The following SDCCAG8 variants were observed in gnomAD, a reference collection of about 807,000 sequenced individuals.
The protein encoded by SDCCAG8 is SHH signaling and ciliogenesis regulator SDCCAG8, also known as serologically defined colon cancer antigen 8.
A neutral mutation model predicts 101.8 loss-of-function variants in SDCCAG8; 74 were observed. The ratio of observed to expected loss-of-function variants is 0.73; its 90% CI spans 0.60 to 0.88. The LOEUF (loss-of-function observed/expected upper bound fraction) is 0.88, where lower values mean the gene tolerates loss of function less well. Ranked by LOEUF, SDCCAG8 falls within the 40% of genes least tolerant of loss-of-function variation. SDCCAG8 has a pLI of 0.00. For synonymous variants in SDCCAG8, 281 were observed against 292.9 expected (o/e 0.96, Z 0.41); for missense variants, 787 against 822.6 (o/e 0.96, Z 0.53).
chr1:243,293,176 C>G lies in SDCCAG8; in HGVS notation c.632C>G (p.Ala211Gly), dbSNP rs1286985966. Residue 211 changes from alanine to glycine, a missense_variant, in exon 6 of 18, where the codon GCA becomes GGA. Coordinates refer to ENST00000366541, the MANE Select transcript of SDCCAG8 (RefSeq NM_006642.5). ...TSKRPFSHDN[A>G]DFGKAASAGE... is the part of the protein sequence containing the mutation. ...AAAAGACCATTTTCCCATGACAATG[C>G]AGATTTTGGCAAAGCTGCATCTGCT... The G allele has an allele frequency of 3.1e-6, 5 of 1,614,140 alleles. No individual in the cohort carries two copies. The highest frequency in any genetic ancestry group is 4.2e-6 in the Non-Finnish European group (5 of 1,179,980).
chr1:243,289,063 AG>A (rs1487756048), intron 5 of SDCCAG8, among the ~76,000 whole-genome samples: 3 of 152,016 alleles, frequency 2.0e-5, no homozygotes, highest in Non-Finnish European at 4.4e-5. Flanking sequence ...GTTCTCTCAA[AG>A]GACAGAACTA....
At chr1:243,450,939 G>A (rs763233946) in intron 16 of SDCCAG8, among the ~76,000 whole-genome samples, 4 of 152,336 alleles carry the variant, frequency 2.6e-5, no homozygotes, top group East Asian at 3.9e-4. Flanking sequence ...GATTACAGGC[G>A]TTAGGATTAA....
intron 15 of SDCCAG8, among the ~76,000 whole-genome samples, chr1:243,423,956 T>C (rs1421511299): frequency 6.6e-6 from 1 of 152,130 alleles, no homozygotes; most frequent in Non-Finnish European, 1.5e-5. Context: ...TCACTGTTTG[T>C]TATACGGTGG....
chr1:243,449,677 A>G (rs1298383602), intron 16 of SDCCAG8, among the ~76,000 whole-genome samples: 2 of 152,164 alleles, frequency 1.3e-5, no homozygotes, highest in African/African-American at 4.8e-5. Context: ...CCCTTAACAC[A>G]TAGTGTTAGT....
At chr1:243,396,547 A>G (rs995660500) in intron 13 of SDCCAG8, among the ~76,000 whole-genome samples, 3 of 152,214 alleles carry the variant, frequency 2.0e-5, no homozygotes, top group Non-Finnish European at 4.4e-5. Flanking sequence ...CTTAATTGGA[A>G]TACTCTCTCC....
At chr1:243,452,103 C>T (rs1377581872) in intron 16 of SDCCAG8, among the ~76,000 whole-genome samples, 1 of 152,170 alleles carries the variant, frequency 6.6e-6, no homozygotes, top group Non-Finnish European at 1.5e-5. Context: ...TGTGCATGCT[C>T]AGGCGTTTCC....
intron 7 of SDCCAG8, 101 bp from the exon 8 acceptor site, chr1:243,307,888 G>A (rs2072314706): frequency 6.9e-6 from 11 of 1,583,954 alleles, no homozygotes; most frequent in Non-Finnish European, 9.4e-6. Flanking sequence ...CATAAGGTGA[G>A]TACCCATAAA....
chr1:243,412,407 A>G (rs1457760585), intron 13 of SDCCAG8, among the ~76,000 whole-genome samples: 5 of 152,176 alleles, frequency 3.3e-5, no homozygotes, highest in African/African-American at 1.2e-4. Context: ...CCGTGCATAA[A>G]TCTCATAATG....
chr1:243,452,963 G>A (rs11801121), intron 16 of SDCCAG8, among the ~76,000 whole-genome samples: 5,364 of 152,276 alleles, frequency 0.035, 192 homozygotes, highest in African/African-American at 0.09. Context: ...TGAGTGCCAC[G>A]AGGCAAGGAC....
chr1:243,425,794 G>A (rs776617211), intron 15 of SDCCAG8, among the ~76,000 whole-genome samples: 2 of 152,096 alleles, frequency 1.3e-5, no homozygotes, highest in Non-Finnish European at 2.9e-5. Flanking sequence ...GCTCAGGGGA[G>A]GTCAATCTTT....
chr1:243,264,474 TGTG>T (rs1028176606), intron 1 of SDCCAG8, among the ~76,000 whole-genome samples: 27 of 151,826 alleles, frequency 1.8e-4, no homozygotes, highest in Non-Finnish European at 3.5e-4. Flanking sequence ...ATTACCCAGG[TGTG>T]GTGGTGCATG....
chr1:243,352,330 A>G (rs760598402), intron 12 of SDCCAG8, among the ~76,000 whole-genome samples: 17 of 152,236 alleles, frequency 1.1e-4, no homozygotes, highest in Non-Finnish European at 2.1e-4. Flanking sequence ...GGACTCTAAG[A>G]ATATTCCTGT....
chr1:243,436,167 CTTT>C (rs113227267), intron 16 of SDCCAG8, among the ~76,000 whole-genome samples: 8 of 136,630 alleles, frequency 5.9e-5, no homozygotes, highest in East Asian at 2.1e-4. Flanking sequence ...TGTTTATCAA[CTTT>C]TTTTTTTTTT....
intron 6 of SDCCAG8, among the ~76,000 whole-genome samples, chr1:243,300,245 G>C (rs916055852): frequency 2.0e-5 from 3 of 151,934 alleles, no homozygotes; most frequent in Admixed American, 6.6e-5. Context: ...TCACTTGATT[G>C]CTCACTTCAG....
intron 16 of SDCCAG8, among the ~76,000 whole-genome samples, chr1:243,454,883 C>T (rs34788824): frequency 0.1 from 15,227 of 151,996 alleles, 873 homozygotes; most frequent in Non-Finnish European, 0.14. Context: ...TTCCCAGATA[C>T]GGTAGAAATA....
intron 6 of SDCCAG8, among the ~76,000 whole-genome samples, chr1:243,300,843 GT>G (rs1267908395): frequency 6.6e-6 from 1 of 152,070 alleles, no homozygotes; most frequent in East Asian, 1.9e-4. Context: ...AATAAGATAG[GT>G]TTGTATTGTG....
intron 17 of SDCCAG8, among the ~76,000 whole-genome samples, chr1:243,494,474 G>A (rs944682358): frequency 6.6e-6 from 1 of 152,134 alleles, no homozygotes; most frequent in African/African-American, 2.4e-5. Flanking sequence ...AAGACCCTGG[G>A]TGCTGCATGT....
intron 13 of SDCCAG8, among the ~76,000 whole-genome samples, chr1:243,405,035 T>C (rs2079667716): frequency 6.6e-6 from 1 of 151,990 alleles, no homozygotes; most frequent in Non-Finnish European, 1.5e-5. Context: ...CCAGCTAATT[T>C]TTGTATTTTT....
rs572116666 is a variant in SDCCAG8, at chr1:243,449,765, A to G, written c.1985+23207A>G. On this transcript the variant is annotated intron_variant, in intron 16 of 17. Transcript: ENST00000366541. Reference sequence around the variant, plus strand: ...GTTACCTCCTGTTAGGCCCGACTGGACCATGGAGTCCTGGGCTCCTTTTGG... The same window carrying G: ...GTTACCTCCTGTTAGGCCCGACTGGGCCATGGAGTCCTGGGCTCCTTTTGG... 2.6e-5 allele frequency among the ~76,000 whole-genome samples: 4 copies of G among 152,282 alleles called. No homozygotes were observed. In the East Asian group the frequency reaches 5.8e-4, roughly 22 times the overall value.
Sources: allele counts gnomAD v4.1 joint callset (sites outside exome capture counted in the v4.1 genomes callset), GRCh38; gene constraint gnomAD v4.1.1; transcripts MANE v1.5; gene names NCBI Gene and HGNC (gene_info 2026-07-23, HGNC 2026-07-21).